ARID4B: variants seen among roughly 807,000 people sequenced by gnomAD.
The protein encoded by ARID4B is AT-rich interaction domain 4B, also known as AT-rich interactive domain-containing protein 4B.
ARID4B carries 26 observed loss-of-function variants against 147.5 expected under a neutral mutation model. The ratio of observed to expected loss-of-function variants is 0.18; its 90% CI spans 0.13 to 0.24. ARID4B has a LOEUF of 0.24. Ranked by LOEUF, ARID4B falls within the 10% of genes least tolerant of loss-of-function variation. The pLI is 1.00. For synonymous variants in ARID4B, 512 were observed against 507.9 expected, an observed-to-expected ratio of 1.01 and a Z score of -0.11; for missense variants, 1,179 against 1,511.5, an observed-to-expected ratio of 0.78 and a Z score of 3.65.
chr1:235,209,563 G>GTTTTTTTTTT (rs374681138), intron 17 of ARID4B, among the ~76,000 whole-genome samples: 1 of 137,160 alleles, frequency 7.3e-6, no homozygotes, highest in African/African-American at 2.9e-5. Context: ...TTTGTTTTTT[G>GTTTTTTTTTT]TTTTGTTTTT....
In ARID4B at chr1:235,213,989, C is replaced by T; in HGVS notation, c.1621G>A (p.Glu541Lys). The stretch of plus-strand genomic sequence containing the variant: ...TCCTCCTCCTCCTCCTCTTCTGCTT[C>T]TTCATCATCTTCATCTTCTTCTTTA... ...TNKEEDEDDE[E>K]AEEEEEEEEE... The change falls in exon 17 of 24, where the codon GAA becomes AAA. Residue 541 changes from glutamate to lysine, a missense_variant. Glu to Lys is a moderately conservative substitution (Grantham distance 56). This residue lies in a region of ARID4B where 204 missense variants were observed against 210.9 expected (regional missense o/e 0.97). Transcript: ENST00000264183. The T allele has an allele frequency of 1.3e-6, 2 of 1,587,260 alleles. No individual in the cohort carries two copies. Among genetic ancestry groups the T allele is most frequent in the South Asian group, 1.1e-5 (1 of 90,500 alleles).
chr1:235,175,562 A>C, intron 21 of ARID4B, 163 bp from the exon 22 acceptor site: 1 of 613,350 alleles, frequency 1.6e-6, no homozygotes, highest in South Asian at 2.0e-5. Context: ...TCTTAGGAAA[A>C]GCAAAAACAA....
At chr1:235,201,285 T>C (rs561974881) in intron 17 of ARID4B, among the ~76,000 whole-genome samples, 4 of 152,068 alleles carry the variant, frequency 2.6e-5, no homozygotes, top group Non-Finnish European at 5.9e-5. Context: ...AAGTAAGATA[T>C]CTATTCATCC....
At chr1:235,248,456 C>T (rs1386423321) in intron 6 of ARID4B, among the ~76,000 whole-genome samples, 2 of 152,086 alleles carry the variant, frequency 1.3e-5, no homozygotes, top group Non-Finnish European at 2.9e-5. Context: ...TACTAAATGA[C>T]TTTATTTGGT....
At chr1:235,259,635 C>T (rs1031809668) in intron 3 of ARID4B, among the ~76,000 whole-genome samples, 1 of 152,178 alleles carries the variant, frequency 6.6e-6, no homozygotes, top group Admixed American at 6.5e-5. Context: ...CATGTGGAAA[C>T]TGAAGGTAGG....
chr1:235,271,986 CCACCA>C (rs1671020468), intron 2 of ARID4B, among the ~76,000 whole-genome samples: 1 of 117,112 alleles, frequency 8.5e-6, no homozygotes, highest in Non-Finnish European at 1.9e-5. Context: ...ATAATAATCC[CCACCA>C]ACCAAGTTTT....
intron 3 of ARID4B, 73 bp from the exon 4 acceptor site, chr1:235,257,298 C>A: frequency 1.0e-6 from 1 of 970,152 alleles, no homozygotes; most frequent in South Asian, 1.4e-5. Flanking sequence ...ACCAATTATT[C>A]ATTTGTAGTA....
At position 235,223,385 on chromosome 1, in the gene ARID4B, A is replaced by ACGTATATATATATATATACACT. The variant is rs1667615089; in HGVS notation, c.971-126_971-125insAGTGTATATATATATATATACG. Reference sequence around the variant, plus strand: ...TATATACACGTATATATATATATACACGTATATATATGTGTGTGTATATAT... The same window carrying ACGTATATATATATATATACACT: ...TATATACACGTATATATATATATACACGTATATATATATATATACACTCGTATATATATGTGTGTGTATATAT... On this transcript the variant is annotated intron_variant, in intron 12 of 23. Coordinates refer to ENST00000264183, the MANE Select transcript of ARID4B (RefSeq NM_016374.6). 2.1e-4 allele frequency: 47 copies of ACGTATATATATATATATACACT among 219,312 alleles called. 1 individual carries two copies. In the Admixed American group the frequency reaches 3.0e-3, roughly 14 times the overall value. The allele number at this position is 219,312 out of a possible 1,614,324, so 13.6% of individuals were successfully genotyped here. A position where few individuals can be genotyped will look rare whatever the true frequency, so the allele number is the denominator to read the frequency against.
At chr1:235,304,084 C>T (rs192043963) in intron 2 of ARID4B, among the ~76,000 whole-genome samples, 49 of 152,310 alleles carry the variant, frequency 3.2e-4, no homozygotes, top group Admixed American at 3.2e-3. Flanking sequence ...AGGCCAGGCA[C>T]GGTGGCTCAC....
In ARID4B at chr1:235,221,609, G is replaced by C. The variant is rs1667470907; in HGVS notation, c.1119C>G (p.Val373=). Residue 373 remains valine (V), a synonymous_variant, in exon 14 of 24, where the codon GTC becomes GTG. Coordinates refer to ENST00000264183, the MANE Select transcript of ARID4B (RefSeq NM_016374.6). Reference sequence around the variant, plus strand: ...CATTGTATCCTGCAGCTGAATTTAAGACAGGGATTCCAAGATCTTGGTAGA... The same window carrying C: ...CATTGTATCCTGCAGCTGAATTTAACACAGGGATTCCAAGATCTTGGTAGA... ...KQVYQDLGIP[V]LNSAAGYNVK... 6.2e-7 allele frequency: 1 copy of C among 1,611,636 alleles called. No homozygotes were observed. The highest frequency in any genetic ancestry group is 1.3e-5 in the African/African-American group (1 of 74,786).
chr1:235,201,562 G>A lies in ARID4B; in HGVS notation c.1842-5447C>T, dbSNP rs150448576. ...TGGTCTCAAACTCCTGGGCTCTAGTGATTCGCCCACCTTGGCCTCCCGAAG... is the reference window on the plus strand; with the variant it reads ...TGGTCTCAAACTCCTGGGCTCTAGTAATTCGCCCACCTTGGCCTCCCGAAG... On this transcript the variant is annotated intron_variant, in intron 17 of 23. Transcript: ENST00000264183. Among the ~76,000 whole-genome samples, 194 of 152,302 alleles carry A rather than the reference G, an allele frequency of 1.3e-3. 1 individual carries two copies. Among genetic ancestry groups the A allele is most frequent in the African/African-American group, 4.6e-3 (190 of 41,558 alleles).
chr1:235,290,766 A>G (rs1400129787), intron 2 of ARID4B, among the ~76,000 whole-genome samples: 1 of 152,220 alleles, frequency 6.6e-6, no homozygotes, highest in Non-Finnish European at 1.5e-5. Context: ...CTTAAACTGG[A>G]CTGTGGTGAT....
chr1:235,298,466 CAT>C (rs1322687546), intron 2 of ARID4B, among the ~76,000 whole-genome samples: 1 of 148,480 alleles, frequency 6.7e-6, no homozygotes, highest in Non-Finnish European at 1.5e-5. Context: ...TATATATATC[CAT>C]ATATATGAAT....
At chr1:235,268,890 G>A (rs990567993) in intron 2 of ARID4B, among the ~76,000 whole-genome samples, 1 of 152,186 alleles carries the variant, frequency 6.6e-6, no homozygotes, top group African/African-American at 2.4e-5. Context: ...TCTTGTGTCA[G>A]AAAGTAAAGA....
chr1:235,211,633 C>T (rs946799278), intron 17 of ARID4B, among the ~76,000 whole-genome samples: 1 of 152,120 alleles, frequency 6.6e-6, no homozygotes, highest in Admixed American at 6.5e-5. Context: ...GGCTGGAGTA[C>T]AGTGGCATGA....
At chr1:235,256,284 G>T (rs1268325550) in intron 4 of ARID4B, among the ~76,000 whole-genome samples, 1 of 151,326 alleles carries the variant, frequency 6.6e-6, no homozygotes, top group East Asian at 1.9e-4. Flanking sequence ...CTATTATAAA[G>T]TTTTACCCTT....
chr1:235,262,323 T>C (rs891918243), intron 2 of ARID4B, among the ~76,000 whole-genome samples: 4 of 152,280 alleles, frequency 2.6e-5, no homozygotes, highest in Admixed American at 6.5e-5. Context: ...TGCTTCACAT[T>C]CCATGTATTT....
chr1:235,220,355 C>T lies in ARID4B; in HGVS notation c.1354G>A (p.Glu452Lys). The T allele has an allele frequency of 6.2e-7, 1 of 1,608,720 alleles. No homozygotes were observed. Among genetic ancestry groups the T allele is most frequent in the Non-Finnish European group, 8.5e-7 (1 of 1,176,706 alleles). ...TCAATTTCATCCTCAATAGGCTTTT[C>T]TTCTCTTGGTATTATATTCCTCTCC... ...EEERNIIPRE[E>K]KPIEDEIERK... The change falls in exon 15 of 24, where the codon GAA becomes AAA. Residue 452 changes from glutamate (E) to lysine (K), a missense_variant. Transcript: ENST00000264183.
chr1:235,277,638 GTGTT>G (rs1386343452), intron 2 of ARID4B, among the ~76,000 whole-genome samples: 35 of 77,762 alleles, frequency 4.5e-4, no homozygotes, highest in African/African-American at 1.5e-3. Flanking sequence ...GTGTGTGTGT[GTGTT>G]TCATTGGTTT....
Sources: allele counts gnomAD v4.1 joint callset (sites outside exome capture counted in the v4.1 genomes callset), GRCh38; gene constraint gnomAD v4.1.1; regional missense constraint gnomAD v4.1.1; transcripts MANE v1.5; gene names NCBI Gene and HGNC (gene_info 2026-07-23, HGNC 2026-07-21).